The following ZC3H7A variants were observed in gnomAD, a reference collection of about 807,000 sequenced individuals.
ZC3H7A encodes zinc finger CCCH-type containing 7A.
ZC3H7A carries 44 observed loss-of-function variants against 125.5 expected under a neutral mutation model. That is an observed-to-expected ratio of 0.35 (90% CI 0.28 to 0.45). The LOEUF is 0.45. Among genes scored for constraint, ZC3H7A ranks in the 20% least tolerant of loss-of-function variants. The pLI, the probability that ZC3H7A is intolerant of heterozygous loss-of-function variation, is 1.00. For synonymous variants in ZC3H7A, 399 were observed against 391.2 expected (o/e 1.02, Z -0.23); for missense variants, 977 against 1,170.7 (o/e 0.83, Z 2.41).
At chr16:11,782,207 A>T in intron 2 of ZC3H7A, 80 bp downstream of exon 2, 3 of 1,500,234 alleles carry the variant, frequency 2.0e-6, no homozygotes, top group South Asian at 2.3e-5. Context: ...ATGACTAAAG[A>T]GTTCTTCCTC....
At chr16:11,771,934 C>A (rs752964156) in intron 9 of ZC3H7A, among the ~76,000 whole-genome samples, 4 of 152,034 alleles carry the variant, frequency 2.6e-5, no homozygotes, top group Non-Finnish European at 5.9e-5. Flanking sequence ...GTGGCTCACA[C>A]CTGTAATCCT....
chr16:11,768,297 T>C lies in ZC3H7A; in HGVS notation c.1360+18A>G, dbSNP rs1363186235. On this transcript the variant is annotated intron_variant, in intron 12 of 22. Transcript: ENST00000355758. The stretch of plus-strand genomic sequence containing the variant: ...AGCAAGTAGTTTAATACTCTCTGCG[T>C]GTTTGTTTGGTCCTGACCTGATTTT... 4 of 1,463,706 alleles carry C rather than the reference T, an allele frequency of 2.7e-6. No individual in the cohort carries two copies. Among genetic ancestry groups the C allele is most frequent in the Non-Finnish European group, 2.7e-6 (3 of 1,094,286 alleles). 90.7% of individuals were successfully genotyped at this position (1,463,706 alleles called of 1,614,324 possible).
chr16:11,753,763 C>T (rs1787087951), intron 21 of ZC3H7A: 1 of 152,278 alleles, frequency 6.6e-6, no homozygotes, highest in Non-Finnish European at 1.5e-5. Context: ...ATTCTCCTGC[C>T]TCAGCCTCCT....
rs2052543571 is a variant in ZC3H7A at position 11,750,878 on chromosome 16, TACAGA to T, written c.*434_*438del. 1 of 153,492 alleles carries T rather than the reference TACAGA, an allele frequency of 6.5e-6. No homozygotes were observed. Among genetic ancestry groups the T allele is most frequent in the African/African-American group, 2.4e-5 (1 of 41,454 alleles). The allele number at this position is 153,492 out of a possible 1,614,324, so 9.5% of individuals were successfully genotyped here. A position where few individuals can be genotyped will look rare whatever the true frequency, so the allele number is the denominator to read the frequency against. Reference sequence around the variant, plus strand: ...AGAAAATCCTTTTTAGCAACCTACATACAGATAAGTAGCAAACTTTATTATATTAA... The same window carrying T: ...AGAAAATCCTTTTTAGCAACCTACATTAAGTAGCAAACTTTATTATATTAA... On this transcript the variant is annotated 3_prime_UTR_variant, in exon 23 of 23. Coordinates refer to ENST00000355758, the MANE Select transcript of ZC3H7A (RefSeq NM_014153.4).
rs1003352396 is a variant in ZC3H7A, at chr16:11,768,351, A to G, written c.1324T>C (p.Leu442=). The G allele has an allele frequency of 6.3e-7, 1 of 1,584,354 alleles. No individual in the cohort carries two copies. The change falls in exon 12 of 23, where the codon TTG becomes CTG. Residue 442 remains leucine, a synonymous_variant. Transcript: ENST00000355758. ...PRHPLEGTHE[L]RQACQICFVK... ...AAACAGATCTGGCAAGCTTGTCTCAATTCATGGGTTCCTTCGAGGGGATGT... is the reference window on the plus strand; with the variant it reads ...AAACAGATCTGGCAAGCTTGTCTCAGTTCATGGGTTCCTTCGAGGGGATGT...
rs191635082 is a variant in ZC3H7A at position 11,780,112 on chromosome 16, T to A, written c.109-749A>T. ...TATTTCTATCACGCTTTAGTTTAGT[T>A]CTTTTTTTTCTTTTCTTTTTTTTTT... On this transcript the variant is annotated intron_variant, in intron 3 of 22. Coordinates refer to ENST00000355758, the MANE Select transcript of ZC3H7A (RefSeq NM_014153.4). Among the ~76,000 whole-genome samples, 205 of 148,454 alleles carry A rather than the reference T, an allele frequency of 1.4e-3. No individual in the cohort carries two copies. In the Middle Eastern group the frequency reaches 0.024, roughly 17 times the overall value.
intron 1 of ZC3H7A, among the ~76,000 whole-genome samples, chr16:11,790,637 T>G (rs2053334329): frequency 6.6e-6 from 1 of 152,098 alleles, no homozygotes; most frequent in African/African-American, 2.4e-5. Context: ...CCTCCCAGGT[T>G]CAAGCGATTC....
chr16:11,782,373 T>C lies in ZC3H7A; in HGVS notation c.-19A>G, dbSNP rs1427598975. 2 of 1,613,976 alleles carry C rather than the reference T, an allele frequency of 1.2e-6. No individual in the cohort carries two copies. Reference sequence around the variant, plus strand: ...TGGACATGTTATCCCACACATCCACTTTCTAAATGAGCAATCTGGAAAGAA... The same window carrying C: ...TGGACATGTTATCCCACACATCCACCTTCTAAATGAGCAATCTGGAAAGAA... On this transcript the variant is annotated 5_prime_UTR_variant, in exon 2 of 23. Transcript: ENST00000355758.
chr16:11,761,435 T>C lies in ZC3H7A; in HGVS notation c.2290A>G (p.Thr764Ala), dbSNP rs546870853. Residue 764 changes from threonine (T) to alanine (A), a missense_variant, in exon 19 of 23, where the codon ACA becomes GCA. By Grantham distance (58) the Thr-to-Ala change is moderately conservative (BLOSUM62 0). Transcript: ENST00000355758. ...KKWMNIRPLPTKKQMPLQFDL... is the reference protein window; with the variant it reads ...KKWMNIRPLPAKKQMPLQFDL... ...AACTGTAAAGGCATTTGTTTCTTTG[T>C]GGGGAGAGGACGGATGTTCATCCAC... is the stretch of plus-strand genomic sequence containing the variant. 1 of 1,614,120 alleles carries C rather than the reference T, an allele frequency of 6.2e-7. No homozygotes were observed. The highest frequency in any genetic ancestry group is 1.3e-5 in the African/African-American group (1 of 75,050).
chr16:11,788,588 C>G (rs1596405409), intron 1 of ZC3H7A, among the ~76,000 whole-genome samples: 1 of 151,246 alleles, frequency 6.6e-6, no homozygotes, highest in East Asian at 2.0e-4. Flanking sequence ...AAAGTCCAGA[C>G]AAATATATTG....
chr16:11,764,888 C>T, intron 15 of ZC3H7A, 165 bp downstream of exon 15: 2 of 495,738 alleles, frequency 4.0e-6, no homozygotes, highest in Admixed American at 4.2e-5. Flanking sequence ...ATTCACTTTC[C>T]AGCCAAATCT....
rs1471262752 is a variant in ZC3H7A at position 11,763,811 on chromosome 16, T to C, written c.1821-152A>G. ...ATACATTTAAAATTTTTTTTTCTCT[T>C]TTTTTTTTTTGAGATGGAGTCTCAC... On this transcript the variant is annotated intron_variant, in intron 15 of 22. Transcript: ENST00000355758. 1.8e-5 allele frequency: 4 copies of C among 221,208 alleles called. 1 individual carries two copies. The highest frequency in any genetic ancestry group is 1.6e-4 in the South Asian group (1 of 6,424). 13.7% of individuals were successfully genotyped at this position (221,208 alleles called of 1,614,324 possible). A position where few individuals can be genotyped will look rare whatever the true frequency, so the allele number is the denominator to read the frequency against.
intron 1 of ZC3H7A, among the ~76,000 whole-genome samples, chr16:11,790,823 C>T (rs548406022): frequency 7.2e-5 from 11 of 151,846 alleles, no homozygotes; most frequent in South Asian, 6.3e-4. Context: ...TTGCAGTGAG[C>T]CAAGATTGCG....
At chr16:11,777,371 C>T (rs10521093) in intron 4 of ZC3H7A, among the ~76,000 whole-genome samples, 7,406 of 152,212 alleles carry the variant, frequency 0.049, 262 homozygotes, top group Middle Eastern at 0.11. Flanking sequence ...GGTGACAACA[C>T]GGATATTTTT....
At chr16:11,784,598 G>A (rs574166303) in intron 1 of ZC3H7A, among the ~76,000 whole-genome samples, 47 of 152,172 alleles carry the variant, frequency 3.1e-4, no homozygotes, top group African/African-American at 1.1e-3. Context: ...GCTCGCGCCT[G>A]TAATCCAGCA....
intron 3 of ZC3H7A, 57 bp from the exon 4 acceptor site, chr16:11,779,420 T>A (rs967437366): frequency 3.7e-5 from 55 of 1,486,870 alleles, no homozygotes; most frequent in Non-Finnish European, 4.7e-5. Context: ...ATGGTATAAG[T>A]AAATTTTAAT....
chr16:11,769,230 G>T, intron 10 of ZC3H7A, 135 bp from the exon 11 acceptor site: 1 of 666,090 alleles, frequency 1.5e-6, no homozygotes, highest in Non-Finnish European at 2.4e-6. Flanking sequence ...TCTTGCTCAA[G>T]GTTGACACCC....
rs1372655097 is a variant in ZC3H7A, at chr16:11,776,304, G to GA, written c.585+15dup. 7 of 1,590,516 alleles carry GA rather than the reference G, an allele frequency of 4.4e-6. No homozygotes were observed. The highest frequency in any genetic ancestry group is 6.0e-6 in the Non-Finnish European group (7 of 1,173,174). The stretch of plus-strand genomic sequence containing the variant: ...TTTAAAAAAAAATATAATTTTGACA[G>GA]AAAAAATAACTTTACCTTGGTAGCC... On this transcript the variant is annotated intron_variant, in intron 7 of 22. Coordinates refer to ENST00000355758, the MANE Select transcript of ZC3H7A (RefSeq NM_014153.4).
At position 11,763,495 on chromosome 16, in the gene ZC3H7A, A is replaced by G. The variant is rs774464312; in HGVS notation, c.1985T>C (p.Ile662Thr). The G allele has an allele frequency of 5.0e-6, 8 of 1,603,870 alleles. No homozygotes were observed. In the Admixed American group the frequency reaches 1.0e-4, roughly 20 times the overall value. The stretch of plus-strand genomic sequence containing the variant: ...AAACCTACCTGTTTCATTTTGCATT[A>G]TCCAGACTTTCAGTTCCACAAGACT... ...AHSLVELKVW[I>T]MQNETGISHD... is the part of the protein sequence containing the mutation. Residue 662 changes from isoleucine (I) to threonine (T), a missense_variant, in exon 16 of 23, where the codon ATA becomes ACA. By Grantham distance (89) the Ile-to-Thr change is moderately conservative (BLOSUM62 -1). Transcript: ENST00000355758.
Sources: allele counts gnomAD v4.1 joint callset (sites outside exome capture counted in the v4.1 genomes callset), GRCh38; gene constraint gnomAD v4.1.1; transcripts MANE v1.5; gene names NCBI Gene and HGNC (gene_info 2026-07-23, HGNC 2026-07-21).